NOTCH2: variants seen among roughly 807,000 people sequenced by gnomAD.
NOTCH2 encodes the protein neurogenic locus notch homolog protein 2.
A neutral mutation model predicts 235.8 loss-of-function variants in NOTCH2; 29 were observed. The ratio of observed to expected loss-of-function variants is 0.12; its 90% confidence interval spans 0.09 to 0.17. The LOEUF (loss-of-function observed/expected upper bound fraction) is 0.17, where lower values mean the gene tolerates loss of function less well. Among genes scored for constraint, NOTCH2 ranks in the 10% least tolerant of loss-of-function variants. The pLI is 1.00. For missense variants in NOTCH2, 2,285 were observed against 3,150.2 expected, an observed-to-expected ratio of 0.73 and a Z score of 6.57; for synonymous variants, 1,086 against 1,141.5, an observed-to-expected ratio of 0.95 and a Z score of 0.98.
chr1:119,943,577 A>G (rs1650143086), intron 17 of NOTCH2, among the ~76,000 whole-genome samples: 1 of 152,214 alleles, frequency 6.6e-6, no homozygotes, highest in African/African-American at 2.4e-5. Flanking sequence ...ATAATTGAAT[A>G]TTTGAACAAA....
chr1:120,037,942 C>T (rs1654378484), intron 1 of NOTCH2, among the ~76,000 whole-genome samples: 1 of 152,008 alleles, frequency 6.6e-6, no homozygotes, highest in Non-Finnish European at 1.5e-5. Context: ...TACTAATAGA[C>T]TTTTCATACT....
At chr1:119,936,418 T>C (rs936277915) in intron 21 of NOTCH2, among the ~76,000 whole-genome samples, 2 of 152,278 alleles carry the variant, frequency 1.3e-5, no homozygotes, top group East Asian at 3.9e-4. Context: ...ACTTATACTA[T>C]GGCTAGCAGA....
chr1:119,967,783 C>T (rs587772730), intron 7 of NOTCH2, among the ~76,000 whole-genome samples, 162 bp from the exon 8 acceptor site: 8 of 152,140 alleles, frequency 5.3e-5, no homozygotes, highest in South Asian at 2.1e-4. Flanking sequence ...GAAATAAAAG[C>T]GGAGTATCCT....
chr1:119,974,771 G>A (rs1651503320), intron 5 of NOTCH2, among the ~76,000 whole-genome samples: 2 of 152,128 alleles, frequency 1.3e-5, no homozygotes, highest in South Asian at 4.1e-4. Flanking sequence ...ATCTCCTCAT[G>A]ATTCTCCACC....
intron 5 of NOTCH2, 57 bp downstream of exon 5, chr1:119,986,903 C>G: frequency 6.2e-7 from 1 of 1,611,690 alleles, no homozygotes; most frequent in Non-Finnish European, 8.5e-7. Context: ...AAAAAACAGT[C>G]TGCCTCTGGT....
intron 1 of NOTCH2, among the ~76,000 whole-genome samples, chr1:120,031,675 CA>C: frequency 2.3e-5 from 3 of 130,228 alleles, no homozygotes; most frequent in African/African-American, 8.7e-5. Context: ...CTTTATGGGG[CA>C]TTGCGCCACT....
Position 119,911,672 on chromosome 1 carries a change from T to G in NOTCH2, c.*3634A>C, listed in dbSNP as rs1396624401. 4.3e-6 allele frequency: 1 copy of G among 232,970 alleles called. No homozygotes were observed. Among genetic ancestry groups the G allele is most frequent in the East Asian group, 6.1e-5 (1 of 16,496 alleles). 14.4% of individuals were successfully genotyped at this position (232,970 alleles called of 1,614,324 possible). On this transcript the variant is annotated 3_prime_UTR_variant, in exon 34 of 34. Transcript: ENST00000256646. Reference sequence around the variant, plus strand: ...TATTAAGTTCTACACAAATTTCACTTAAGGAATGTTACAAACCAATCATTT... The same window carrying G: ...TATTAAGTTCTACACAAATTTCACTGAAGGAATGTTACAAACCAATCATTT...
rs1235224462 is a variant in NOTCH2, at chr1:119,925,634, C to A, written c.4182G>T (p.Gln1394His). 3 of 1,613,330 alleles carry A rather than the reference C, an allele frequency of 1.9e-6. No individual in the cohort carries two copies. The highest frequency in any genetic ancestry group is 1.7e-5 in the Admixed American group (1 of 59,996). Residue 1394 changes from glutamine to histidine, a missense_variant, in exon 25 of 34, where the codon CAG becomes CAT. This residue lies in a region of NOTCH2 where 1,173 missense variants were observed against 1,515.3 expected (regional missense o/e 0.77). Coordinates refer to ENST00000256646, the MANE Select transcript of NOTCH2 (RefSeq NM_024408.4). Reference protein sequence around the residue: ...QHGGSCHPQRQPPYYSCQCAP... With the variant: ...QHGGSCHPQRHPPYYSCQCAP... ...CACACTGGCAGGAGTAATAAGGAGG[C>A]TGGCGCTGAGGGTGGCAGCTGCCCC...
intron 5 of NOTCH2, among the ~76,000 whole-genome samples, chr1:119,982,956 A>T (rs1375071141): frequency 6.6e-6 from 1 of 152,222 alleles, no homozygotes; most frequent in South Asian, 2.1e-4. Context: ...AGCAGCAGCA[A>T]TGGTAATACC....
Position 119,915,927 on chromosome 1 carries a change from A to G in NOTCH2, c.6795T>C (p.Asn2265=). 6.2e-7 allele frequency: 1 copy of G among 1,605,880 alleles called. No homozygotes were observed. Among genetic ancestry groups the G allele is most frequent in the Non-Finnish European group, 8.5e-7 (1 of 1,172,700 alleles). ...NRMEVNETQY[N]EMFGMVLAPA... ...GAGCCAGGACCATACCAAACATCTC[A>G]TTGTACTGGGTCTCATTCACCTCCA... Residue 2265 remains asparagine (N), a synonymous_variant, in exon 34 of 34, where the codon AAT becomes AAC. Transcript: ENST00000256646.
chr1:119,995,926 T>C (rs1652428373), intron 4 of NOTCH2: 1 of 152,332 alleles, frequency 6.6e-6, no homozygotes, highest in South Asian at 2.1e-4. Flanking sequence ...ACAATCCCAT[T>C]ATATGTGAAC....
chr1:120,002,380 T>A (rs1221175996), intron 3 of NOTCH2, among the ~76,000 whole-genome samples: 2 of 149,678 alleles, frequency 1.3e-5, no homozygotes, highest in Non-Finnish European at 3.0e-5. Context: ...TAAGAAAGAG[T>A]ATTCATGGAA....
At chr1:119,978,681 G>A (rs781889001) in intron 5 of NOTCH2, among the ~76,000 whole-genome samples, 1 of 152,174 alleles carries the variant, frequency 6.6e-6, no homozygotes, top group Non-Finnish European at 1.5e-5. Context: ...GAAGAAAGTG[G>A]TGCCAAGCTT....
chr1:119,953,894 G>C (rs1650583526), intron 13 of NOTCH2, among the ~76,000 whole-genome samples: 1 of 152,050 alleles, frequency 6.6e-6, no homozygotes, highest in African/African-American at 2.4e-5. Context: ...TGCTTTCCTG[G>C]CTCACTAAGT....
At chr1:119,954,640 A>G (rs1281882792) in intron 13 of NOTCH2, among the ~76,000 whole-genome samples, 1 of 152,230 alleles carries the variant, frequency 6.6e-6, no homozygotes, top group Non-Finnish European at 1.5e-5. Flanking sequence ...CAGAGCACAC[A>G]CTGGCACTGT....
chr1:119,970,842 C>T (rs1265539213), intron 5 of NOTCH2, among the ~76,000 whole-genome samples: 3 of 152,142 alleles, frequency 2.0e-5, no homozygotes, highest in East Asian at 3.8e-4. Flanking sequence ...TAAAACATGA[C>T]AAGTTGTTGA....
intron 2 of NOTCH2, among the ~76,000 whole-genome samples, chr1:120,011,876 C>T (rs2641344): frequency 0.16 from 23,912 of 148,966 alleles, 1,879 homozygotes; most frequent in African/African-American, 0.3. Context: ...ATTAGCCAGG[C>T]GTGGTGGCGG....
At position 119,913,700 on chromosome 1, in the gene NOTCH2, G is replaced by A. The variant is rs1012620741; in HGVS notation, c.*1606C>T. The A allele has an allele frequency of 5.6e-5, 13 of 233,170 alleles. No individual in the cohort carries two copies. The highest frequency in any genetic ancestry group is 1.0e-4 in the Non-Finnish European group (12 of 118,044). The allele number at this position is 233,170 out of a possible 1,614,324, so 14.4% of individuals were successfully genotyped here. On this transcript the variant is annotated 3_prime_UTR_variant, in exon 34 of 34. Transcript: ENST00000256646. ...GTGAGGGGCAATCAGTCTGAACAAT[G>A]AGCAAGTCTATAGTTGTCCATTATC...
At chr1:120,069,089 G>A (rs1464390258) in intron 1 of NOTCH2, 10 of 1,500,942 alleles carry the variant, frequency 6.7e-6, no homozygotes, top group African/African-American at 1.4e-5. Flanking sequence ...CCCTCCTGCC[G>A]AGGAGGCGTG....
Sources: allele counts gnomAD v4.1 joint callset (sites outside exome capture counted in the v4.1 genomes callset), GRCh38; gene constraint gnomAD v4.1.1; regional missense constraint gnomAD v4.1.1; transcripts MANE v1.5; gene names NCBI Gene and HGNC (gene_info 2026-07-23, HGNC 2026-07-21).